FAM13B: variants seen among roughly 807,000 people sequenced by gnomAD.
The protein encoded by FAM13B is protein FAM13B.
In FAM13B, 60 loss-of-function variants were observed where a neutral mutation model predicts 117.3. The ratio of observed to expected loss-of-function variants is 0.51; its 90% CI spans 0.42 to 0.63. The LOEUF (loss-of-function observed/expected upper bound fraction) is 0.63, where lower values mean the gene tolerates loss of function less well. Among genes scored for constraint, FAM13B ranks in the 30% least tolerant of loss-of-function variants. FAM13B has a pLI of 0.00. For synonymous variants in FAM13B, 332 were observed against 356.1 expected (o/e 0.93, Z 0.76); for missense variants, 972 against 1,091.9 (o/e 0.89, Z 1.55).
At chr5:137,970,901 G>C (rs1771905305) in intron 10 of FAM13B, among the ~76,000 whole-genome samples, 1 of 152,038 alleles carries the variant, frequency 6.6e-6, no homozygotes, top group African/African-American at 2.4e-5. Flanking sequence ...AATTCAACAA[G>C]AAGAGCTAAC....
intron 10 of FAM13B, among the ~76,000 whole-genome samples, chr5:137,965,230 T>TC (rs1440898271): frequency 6.6e-6 from 1 of 152,116 alleles, no homozygotes; most frequent in Non-Finnish European, 1.5e-5. Flanking sequence ...CCATACCTTC[T>TC]CCCCACTTCC....
In FAM13B at chr5:137,952,645, A is replaced by G. The variant is rs1354771982; in HGVS notation, c.1913T>C (p.Leu638Pro). Residue 638 changes from leucine (L) to proline (P), a missense_variant, in exon 17 of 24, where the codon CTG becomes CCG. Coordinates refer to ENST00000689681, the MANE Select transcript of FAM13B (RefSeq NM_001385994.1). The stretch of plus-strand genomic sequence containing the variant: ...TAATATACCTTTAATTTGCTTCCGC[A>G]GTTTTGTAAGCTCTGTCATCCATTT... ...VLKWMTELTK[L>P]RKQIKDAKHK... 6.3e-7 allele frequency: 1 copy of G among 1,597,474 alleles called. No homozygotes were observed. Among genetic ancestry groups the G allele is most frequent in the Non-Finnish European group, 8.5e-7 (1 of 1,171,206 alleles).
chr5:138,018,211 A>G lies in FAM13B; in HGVS notation c.370+91T>C, dbSNP rs1785736234. On this transcript the variant is annotated intron_variant, in intron 4 of 23. Transcript: ENST00000689681. ...ATAACAAATTAATCTCTAAAATACT[A>G]TACTTACTGTTTACATGTCAAGATT... 20 of 1,045,550 alleles carry G rather than the reference A, an allele frequency of 1.9e-5. No individual in the cohort carries two copies. The South Asian group carries it at 2.9e-4, about 15-fold the overall frequency. 64.8% of individuals were successfully genotyped at this position (1,045,550 alleles called of 1,614,324 possible). A position where few individuals can be genotyped will look rare whatever the true frequency, so the allele number is the denominator to read the frequency against.
intron 20 of FAM13B, among the ~76,000 whole-genome samples, chr5:137,944,741 G>A (rs1369896893): frequency 1.5e-5 from 2 of 135,578 alleles, no homozygotes; most frequent in Non-Finnish European, 3.1e-5. Context: ...CTGGATGACA[G>A]AGCGAGACTC....
rs1784093441 is a variant in FAM13B at position 138,011,789 on chromosome 5, A to C, written c.527T>G (p.Val176Gly). The C allele has an allele frequency of 1.9e-6, 3 of 1,611,314 alleles. No individual in the cohort carries two copies. The highest frequency in any genetic ancestry group is 2.5e-6 in the Non-Finnish European group (3 of 1,179,156). Residue 176 changes from valine (V) to glycine (G), a missense_variant, in exon 5 of 24, where the codon GTC (valine) becomes GGC (glycine). Coordinates refer to ENST00000689681, the MANE Select transcript of FAM13B (RefSeq NM_001385994.1). ...EIWSANSLAAVFGPDVFHIYT... is the reference protein window; with the variant it reads ...EIWSANSLAAGFGPDVFHIYT... ...TTACTGGAAGACATCTGGACCAAAG[A>C]CAGCAGCCAAAGAATTTGCGGACCA...
intron 6 of FAM13B, among the ~76,000 whole-genome samples, chr5:138,009,492 A>G (rs1783410359): frequency 6.6e-6 from 1 of 152,066 alleles, no homozygotes; most frequent in Non-Finnish European, 1.5e-5. Flanking sequence ...ACTGGCCAAA[A>G]AAAAAAAAAG....
At chr5:137,965,443 C>T (rs1001150658) in intron 10 of FAM13B, among the ~76,000 whole-genome samples, 1 of 152,186 alleles carries the variant, frequency 6.6e-6, no homozygotes, top group African/African-American at 2.4e-5. Flanking sequence ...ACCTGACAGG[C>T]ATTTCCGGTA....
chr5:138,043,213 T>A (rs998238525), intron 1 of FAM13B, among the ~76,000 whole-genome samples: 7 of 151,354 alleles, frequency 4.6e-5, no homozygotes, highest in African/African-American at 1.7e-4. Context: ...AAAATAAAAT[T>A]AAAAATTAGC....
chr5:138,006,898 T>C (rs1782695379), intron 7 of FAM13B, 92 bp downstream of exon 7: 2 of 1,220,388 alleles, frequency 1.6e-6, no homozygotes, highest in Non-Finnish European at 2.2e-6. Flanking sequence ...AACTTTCACA[T>C]ATAGTTACAG....
rs780282943 is a variant in FAM13B at position 138,011,158 on chromosome 5, A to G, written c.549-9T>C. 1 of 1,593,576 alleles carries G rather than the reference A, an allele frequency of 6.3e-7. No homozygotes were observed. The highest frequency in any genetic ancestry group is 1.9e-5 in the Admixed American group (1 of 53,580). On this transcript the variant is annotated splice_polypyrimidine_tract_variant and intron_variant, in intron 5 of 23. Transcript: ENST00000689681. ...CCACATCTGTGTAAATGCTAAGAAT[A>G]GAAGTCCAAATTGAATTGAGAGTTC...
intron 1 of FAM13B, among the ~76,000 whole-genome samples, chr5:138,021,623 CT>C (rs1786741449): frequency 6.6e-6 from 1 of 152,182 alleles, no homozygotes; most frequent in Admixed American, 6.5e-5. Flanking sequence ...TACTTAAGTA[CT>C]TTCTTCTTTT....
chr5:138,026,871 G>A (rs1236210224), intron 1 of FAM13B, among the ~76,000 whole-genome samples: 2 of 151,082 alleles, frequency 1.3e-5, no homozygotes, highest in African/African-American at 2.4e-5. Flanking sequence ...CCCGGGAGGC[G>A]GAGGTTACAG....
In FAM13B at chr5:137,960,203, A is replaced by C. The variant is rs755280917; in HGVS notation, c.1256T>G (p.Leu419Trp). The change falls in exon 12 of 24, where the codon TTG becomes TGG. Residue 419 changes from leucine (L) to tryptophan (W), a missense_variant. By Grantham distance (61) the Leu-to-Trp change is moderately conservative (BLOSUM62 -2). Coordinates refer to ENST00000689681, the MANE Select transcript of FAM13B (RefSeq NM_001385994.1). ...TGACAATTTATCACTGTCAAATAAC[A>C]AATATTCTTCCCTAAAAATACAAGT... Reference protein sequence around the residue: ...EDGCLEREEYLLFDSDKLSHL... With the variant: ...EDGCLEREEYWLFDSDKLSHL... The C allele has an allele frequency of 1.8e-5, 28 of 1,519,248 alleles. No homozygotes were observed. In the South Asian group the frequency reaches 3.2e-4, roughly 17 times the overall value. The allele number at this position is 1,519,248 out of a possible 1,614,324, so 94.1% of individuals were successfully genotyped here. A position where few individuals can be genotyped will look rare whatever the true frequency, so the allele number is the denominator to read the frequency against.
At chr5:137,986,821 G>C (rs139211122) in intron 9 of FAM13B, among the ~76,000 whole-genome samples, 16 of 152,288 alleles carry the variant, frequency 1.1e-4, no homozygotes, top group Non-Finnish European at 1.8e-4. Context: ...CCCAAGGAGA[G>C]GTGCCAGACT....
At chr5:138,050,873 C>T (rs1413289250) in intron 1 of FAM13B, among the ~76,000 whole-genome samples, 2 of 152,202 alleles carry the variant, frequency 1.3e-5, no homozygotes, top group African/African-American at 2.4e-5. Flanking sequence ...TCTAAATTCA[C>T]ATCTTCACCC....
intron 7 of FAM13B, among the ~76,000 whole-genome samples, chr5:137,997,210 C>A (rs1780080022): frequency 6.6e-6 from 1 of 152,124 alleles, no homozygotes; most frequent in Non-Finnish European, 1.5e-5. Context: ...TGGCTCACAC[C>A]CGTAATCCCA....
At chr5:137,941,920 T>G in intron 23 of FAM13B, 24 bp downstream of exon 23, 1 of 1,575,668 alleles carries the variant, frequency 6.3e-7, no homozygotes, top group South Asian at 1.1e-5. Context: ...GAAAGATGAC[T>G]CAATTTTGTG....
Position 137,954,264 on chromosome 5 carries a change from T to A in FAM13B, c.1620A>T (p.Pro540=). The change falls in exon 15 of 24, where the codon CCA becomes CCT. Residue 540 remains proline, a synonymous_variant. Transcript: ENST00000689681. ...AATCTAAACTGCGGTGTGATAATACTGGAGGACAGTCCTCTTCCAAGGGGT... is the reference window on the plus strand; with the variant it reads ...AATCTAAACTGCGGTGTGATAATACAGGAGGACAGTCCTCTTCCAAGGGGT... The part of the protein sequence containing the change: ...NHHPLEEDCP[P]VLSHRSLDFG... 1 of 1,614,124 alleles carries A rather than the reference T, an allele frequency of 6.2e-7. No homozygotes were observed. The highest frequency in any genetic ancestry group is 8.5e-7 in the Non-Finnish European group (1 of 1,180,000).
intron 7 of FAM13B, among the ~76,000 whole-genome samples, chr5:138,004,119 A>T (rs1781942044): frequency 6.6e-6 from 1 of 152,046 alleles, no homozygotes; most frequent in African/African-American, 2.4e-5. Context: ...AAATACAAAA[A>T]TTAGCCAGCC....
Sources: allele counts gnomAD v4.1 joint callset (sites outside exome capture counted in the v4.1 genomes callset), GRCh38; gene constraint gnomAD v4.1.1; transcripts MANE v1.5; gene names NCBI Gene and HGNC (gene_info 2026-07-23, HGNC 2026-07-21).